The following PSD3 variants were observed in gnomAD, a reference collection of about 807,000 sequenced individuals.
PSD3 encodes the protein PH and SEC7 domain-containing protein 3.
A neutral mutation model predicts 105.5 loss-of-function variants in PSD3; 49 were observed. The observed-to-expected ratio is 0.46, with a 90% CI of 0.37 to 0.59. The LOEUF (loss-of-function observed/expected upper bound fraction) is 0.59. PSD3 is among the 20% of genes least tolerant of loss of function. The probability of loss-of-function intolerance (pLI) is 0.00; values close to 1 mark genes in which losing one functional copy is unlikely to be tolerated. For missense variants in PSD3, 1,561 were observed against 1,263.8 expected (o/e 1.24, Z -3.57); for synonymous variants, 557 against 457.8 (o/e 1.22, Z -2.77).
chr8:18,643,890 G>C (rs1807836094), intron 10 of PSD3, among the ~76,000 whole-genome samples: 1 of 152,234 alleles, frequency 6.6e-6, no homozygotes, highest in African/African-American at 2.4e-5. Context: ...ATGCTGCTAA[G>C]GTTTATGGCT....
chr8:19,040,107 A>T (rs938699034), intron 1 of PSD3, among the ~76,000 whole-genome samples: 2 of 152,240 alleles, frequency 1.3e-5, no homozygotes, highest in Non-Finnish European at 2.9e-5. Flanking sequence ...AAAAGACAGC[A>T]TGGGTTGTGA....
chr8:18,846,504 G>A (rs1194312277), intron 4 of PSD3, among the ~76,000 whole-genome samples: 1 of 152,162 alleles, frequency 6.6e-6, no homozygotes, highest in Non-Finnish European at 1.5e-5. Context: ...TACTCCTGGG[G>A]AAACTCACAC....
At chr8:18,649,255 C>T (rs1030032356) in intron 10 of PSD3, among the ~76,000 whole-genome samples, 1 of 152,208 alleles carries the variant, frequency 6.6e-6, no homozygotes, top group African/African-American at 2.4e-5. Context: ...TCTGGAAAAG[C>T]CACAGGGGCA....
intron 1 of PSD3, among the ~76,000 whole-genome samples, chr8:18,994,506 C>G (rs1158617667): frequency 6.6e-6 from 1 of 152,024 alleles, no homozygotes; most frequent in Non-Finnish European, 1.5e-5. Context: ...GCATATACAC[C>G]TGTGCTGTCT....
At chr8:18,806,884 G>A (rs568194420) in intron 4 of PSD3, among the ~76,000 whole-genome samples, 2 of 152,158 alleles carry the variant, frequency 1.3e-5, no homozygotes, top group Non-Finnish European at 2.9e-5. Context: ...AAATAAAGAA[G>A]GCATTATCAA....
intron 9 of PSD3, among the ~76,000 whole-genome samples, chr8:18,692,616 A>C (rs1801031860): frequency 6.6e-6 from 1 of 152,196 alleles, no homozygotes; most frequent in Non-Finnish European, 1.5e-5. Flanking sequence ...TTTAAAGATG[A>C]TGAAAAGCTA....
intron 11 of PSD3, among the ~76,000 whole-genome samples, chr8:18,604,555 C>A (rs1157967799): frequency 6.6e-6 from 1 of 151,950 alleles, no homozygotes; most frequent in South Asian, 2.1e-4. Flanking sequence ...AAAAAAAAGG[C>A]CTATTTTCAG....
chr8:18,571,104 G>C (rs568431031), intron 14 of PSD3, among the ~76,000 whole-genome samples: 3 of 151,960 alleles, frequency 2.0e-5, no homozygotes, highest in African/African-American at 7.3e-5. Flanking sequence ...CAGGTGATCT[G>C]CCCACCTCGG....
chr8:18,743,892 T>C (rs1804772419), intron 9 of PSD3, among the ~76,000 whole-genome samples: 1 of 151,906 alleles, frequency 6.6e-6, no homozygotes, highest in Non-Finnish European at 1.5e-5. Context: ...GAATTTGTGG[T>C]TGCAGTGAGA....
intron 1 of PSD3, among the ~76,000 whole-genome samples, chr8:19,038,395 G>A (rs1828015151): frequency 1.3e-5 from 2 of 152,084 alleles, no homozygotes; most frequent in Non-Finnish European, 2.9e-5. Flanking sequence ...TCTTCTTCCT[G>A]TTAATCTTTC....
upstream of PSD3, chr8:19,013,795 G>C (rs1434439280): frequency 1.5e-5 from 3 of 204,522 alleles, no homozygotes; most frequent in Non-Finnish European, 1.8e-5. Context: ...ACGTCAAAGC[G>C]AAGGCGGCGC....
chr8:18,536,997 T>A (rs952549048), intron 15 of PSD3, among the ~76,000 whole-genome samples: 13 of 152,202 alleles, frequency 8.5e-5, no homozygotes, highest in African/African-American at 2.7e-4. Flanking sequence ...TATACATCCG[T>A]CTTAGGGATT....
chr8:19,084,123 C>T (rs752165371), intron 1 of PSD3: 15 of 375,834 alleles, frequency 4.0e-5, no homozygotes, highest in Admixed American at 1.6e-4. Context: ...AGAGAACCAA[C>T]GCCAGAAATT....
chr8:18,855,510 A>C (rs942266054), intron 4 of PSD3, among the ~76,000 whole-genome samples: 1 of 152,196 alleles, frequency 6.6e-6, no homozygotes, highest in Non-Finnish European at 1.5e-5. Context: ...AGTCAATAAG[A>C]ATGAATTTCA....
At chr8:18,873,221 AAT>A (rs1817508272) in intron 2 of PSD3, among the ~76,000 whole-genome samples, 1 of 152,244 alleles carries the variant, frequency 6.6e-6, no homozygotes, top group African/African-American at 2.4e-5. Context: ...AAACTCAGTC[AAT>A]ATGTTTTTTC....
intron 9 of PSD3, among the ~76,000 whole-genome samples, chr8:18,678,273 T>C (rs975962163): frequency 1.3e-5 from 2 of 152,190 alleles, no homozygotes; most frequent in Non-Finnish European, 2.9e-5. Flanking sequence ...TAGTTTAAGT[T>C]GTTTAAAAAA....
chr8:18,890,106 C>T (rs926031666), intron 2 of PSD3, among the ~76,000 whole-genome samples: 2 of 151,974 alleles, frequency 1.3e-5, no homozygotes, highest in African/African-American at 4.8e-5. Context: ...TCATAACATC[C>T]TCTGTTTTAT....
intron 4 of PSD3, among the ~76,000 whole-genome samples, chr8:18,859,095 A>G (rs766228249): frequency 1.3e-4 from 20 of 152,182 alleles, no homozygotes; most frequent in Non-Finnish European, 2.5e-4. Flanking sequence ...TCCTCGATCC[A>G]TGGTTTGCAG....
At position 18,910,655 on chromosome 8, in the gene PSD3, A is replaced by G. The variant is rs1444325681; in HGVS notation, c.130+25379T>C. 8.4e-4 allele frequency among the ~76,000 whole-genome samples: 125 copies of G among 148,778 alleles called. 1 individual carries two copies. The highest frequency in any genetic ancestry group is 2.3e-3 in the East Asian group (12 of 5,154). ...AGTATAATAAAAAAAAAAAAAAAAA[A>G]AAAAGAAAAGTCTGATGCCCCAGGC... On this transcript the variant is annotated intron_variant, in intron 2 of 15. Transcript: ENST00000327040.
Sources: allele counts gnomAD v4.1 joint callset (sites outside exome capture counted in the v4.1 genomes callset), GRCh38; gene constraint gnomAD v4.1.1; transcripts MANE v1.5; gene names NCBI Gene and HGNC (gene_info 2026-07-23, HGNC 2026-07-21).